Variants in TLN2 observed in about 807,000 individuals in gnomAD.
TLN2 encodes talin-2.
TLN2 carries 118 observed loss-of-function variants against 294.7 expected under a neutral mutation model. The observed-to-expected ratio is 0.40, with a 90% CI of 0.34 to 0.47. TLN2 has a LOEUF of 0.47. Ranked by LOEUF, TLN2 falls within the 20% of genes least tolerant of loss-of-function variation. The pLI is 0.84. For missense variants in TLN2, 3,083 were observed against 3,282.2 expected (o/e 0.94, Z 1.48); for synonymous variants, 1,431 against 1,304.5 (o/e 1.10, Z -2.09).
In TLN2 at chr15:62,675,612, C is replaced by T. The variant is rs111236119; in HGVS notation, c.957+291C>T. On this transcript the variant is annotated intron_variant, in intron 11 of 58. Transcript: ENST00000636159. ...AGTGAGTTCACTTTTACTTGTTATT[C>T]CTTCTCCTGACAATGTTTCATTTAT... 3.2e-3 allele frequency among the ~76,000 whole-genome samples: 485 copies of T among 152,300 alleles called. 5 individuals carry two copies. Among genetic ancestry groups the T allele is most frequent in the Non-Finnish European group, 4.6e-3 (310 of 68,038 alleles).
chr15:62,796,189 C>T lies in TLN2; in HGVS notation c.5946C>T (p.Ala1982=), dbSNP rs367596485. The T allele has an allele frequency of 3.8e-5, 61 of 1,614,114 alleles. No homozygotes were observed. Among genetic ancestry groups the T allele is most frequent in the South Asian group, 2.2e-4 (20 of 91,090 alleles). Residue 1982 remains alanine (A), a synonymous_variant, in exon 47 of 59, where the codon GCC becomes GCT. Transcript: ENST00000636159. ...GNKGTQACIT[A]ATAVSGIIAD... ...AAGGAACCCAGGCATGCATTACAGCCGCCACCGCTGTGTCTGGGATCATTG... is the reference window on the plus strand; with the variant it reads ...AAGGAACCCAGGCATGCATTACAGCTGCCACCGCTGTGTCTGGGATCATTG...
intron 22 of TLN2, 137 bp from the exon 23 acceptor site, chr15:62,716,194 C>T (rs570131366): frequency 1.5e-5 from 17 of 1,101,122 alleles, no homozygotes; most frequent in Admixed American, 4.0e-5. Flanking sequence ...GAAACATCTT[C>T]ATCATAAAGA....
At position 62,811,926 on chromosome 15, in the gene TLN2, T is replaced by A. The variant is rs369272546; in HGVS notation, c.6771+1894T>A. Reference sequence around the variant, plus strand: ...ACTCAGGAGGCTGAGGCAGGAGAATTGCTTGAACCCAGGAGGTGGAGGTTG... The same window carrying A: ...ACTCAGGAGGCTGAGGCAGGAGAATAGCTTGAACCCAGGAGGTGGAGGTTG... On this transcript the variant is annotated intron_variant, in intron 52 of 58. Transcript: ENST00000636159. 7.5e-4 allele frequency among the ~76,000 whole-genome samples: 114 copies of A among 151,976 alleles called. 1 individual carries two copies. The highest frequency in any genetic ancestry group is 2.7e-3 in the African/African-American group (112 of 41,416).
chr15:62,741,748 C>CGCGCGCGTGTGTGTGTGTGTGT lies in TLN2; in HGVS notation c.4025+980_4025+981insCGCGCGTGTGTGTGTGTGTGTG. ...TTAACTTGGTTTTTTAAAATTTGCG[C>CGCGCGCGTGTGTGTGTGTGTGT]GTGTGTGTGTGTGTGTGTGTCTTTA... is the stretch of plus-strand genomic sequence containing the variant. On this transcript the variant is annotated intron_variant, in intron 32 of 58. Coordinates refer to ENST00000636159, the MANE Select transcript of TLN2 (RefSeq NM_015059.3). 5.7e-3 allele frequency among the ~76,000 whole-genome samples: 750 copies of CGCGCGCGTGTGTGTGTGTGTGT among 131,130 alleles called. 4 individuals are homozygous for CGCGCGCGTGTGTGTGTGTGTGT. Among genetic ancestry groups the CGCGCGCGTGTGTGTGTGTGTGT allele is most frequent in the Middle Eastern group, 8.5e-3 (2 of 234 alleles). 86.0% of individuals were successfully genotyped at this position (131,130 alleles called of 152,430 possible). A position where few individuals can be genotyped will look rare whatever the true frequency, so the allele number is the denominator to read the frequency against.
At chr15:62,535,893 C>T (rs2041323098) in intron 1 of TLN2, among the ~76,000 whole-genome samples, 1 of 152,166 alleles carries the variant, frequency 6.6e-6, no homozygotes, top group Non-Finnish European at 1.5e-5. Context: ...TACAATAACT[C>T]TTATGTGTGT....
chr15:62,605,762 C>T (rs1001314566), intron 2 of TLN2, among the ~76,000 whole-genome samples: 2 of 152,182 alleles, frequency 1.3e-5, no homozygotes, highest in African/African-American at 2.4e-5. Context: ...ATCTAAGTCA[C>T]GTTGGACACC....
At chr15:62,718,571 A>C (rs113800328) in intron 24 of TLN2, among the ~76,000 whole-genome samples, 1 of 152,172 alleles carries the variant, frequency 6.6e-6, no homozygotes, top group African/African-American at 2.4e-5. Context: ...GGCCAGCCCT[A>C]CTGCTGTTGT....
chr15:62,744,646 A>T (rs367594619), intron 32 of TLN2, among the ~76,000 whole-genome samples: 23 of 152,026 alleles, frequency 1.5e-4, no homozygotes, highest in African/African-American at 4.3e-4. Flanking sequence ...TCCCGGGTTC[A>T]AGTGATTCTC....
intron 1 of TLN2, among the ~76,000 whole-genome samples, chr15:62,497,447 T>C (rs1165254692): frequency 2.0e-5 from 3 of 152,244 alleles, no homozygotes; most frequent in Non-Finnish European, 4.4e-5. Flanking sequence ...AGTGGTACTT[T>C]CCTCTGCTCC....
Position 62,761,699 on chromosome 15 carries a change from T to G in TLN2, c.4657T>G (p.Ser1553Ala), listed in dbSNP as rs1429039253. 1.2e-6 allele frequency: 2 copies of G among 1,614,102 alleles called. No individual in the cohort carries two copies. The highest frequency in any genetic ancestry group is 1.7e-6 in the Non-Finnish European group (2 of 1,180,040). ...KTIKALDGDF[S>A]EDNRNKCRIA... ...CCATCAGGCCCTGGATGGGGATTTC[T>G]CTGAAGACAACCGCAATAAGTGTCG... The change falls in exon 38 of 59, where the codon TCT (serine) becomes GCT (alanine). Residue 1553 changes from serine (S) to alanine (A), a missense_variant. By Grantham distance (99) the Ser-to-Ala change is moderately conservative. Transcript: ENST00000636159.
chr15:62,732,755 G>C (rs1156810588), intron 28 of TLN2, among the ~76,000 whole-genome samples: 1 of 152,186 alleles, frequency 6.6e-6, no homozygotes, highest in Non-Finnish European at 1.5e-5. Flanking sequence ...TTGGTGACTG[G>C]TTAGAAGTTG....
chr15:62,839,896 T>A (rs1264287003), intron 58 of TLN2, among the ~76,000 whole-genome samples: 1 of 152,200 alleles, frequency 6.6e-6, no homozygotes, highest in Non-Finnish European at 1.5e-5. Flanking sequence ...TAGTCAAGGC[T>A]CTGGAAAGCC....
At position 62,738,125 on chromosome 15, in the gene TLN2, C is replaced by T. The variant is rs887477489; in HGVS notation, c.3568-89C>T. 1.1e-5 allele frequency: 17 copies of T among 1,498,602 alleles called. No homozygotes were observed. In the Middle Eastern group the frequency reaches 5.3e-4, roughly 46 times the overall value. 92.8% of individuals were successfully genotyped at this position (1,498,602 alleles called of 1,614,324 possible). ...TGCTGGTGGGTCATTTCCGTATCTG[C>T]TTCAGCTCTGCATGTTTCACTGCCC... is the stretch of plus-strand genomic sequence containing the variant. On this transcript the variant is annotated intron_variant, in intron 29 of 58. Coordinates refer to ENST00000636159, the MANE Select transcript of TLN2 (RefSeq NM_015059.3).
intron 47 of TLN2, among the ~76,000 whole-genome samples, chr15:62,796,652 A>G (rs1215931166): frequency 6.6e-6 from 1 of 152,182 alleles, no homozygotes; most frequent in Non-Finnish European, 1.5e-5. Context: ...TGTTTTGGGA[A>G]GATAGGGGCT....
chr15:62,545,445 A>G (rs1348726375), intron 1 of TLN2, among the ~76,000 whole-genome samples: 1 of 152,026 alleles, frequency 6.6e-6, no homozygotes, highest in Non-Finnish European at 1.5e-5. Context: ...CAACATTTCC[A>G]GTGAGGCAGC....
At chr15:62,545,407 G>T (rs926021485) in intron 1 of TLN2, among the ~76,000 whole-genome samples, 2 of 152,074 alleles carry the variant, frequency 1.3e-5, no homozygotes, top group African/African-American at 4.8e-5. Flanking sequence ...GAAAAAGGAT[G>T]GAGGAAAAGG....
chr15:62,454,057 G>C (rs560311632), intron 1 of TLN2, among the ~76,000 whole-genome samples: 2 of 152,340 alleles, frequency 1.3e-5, no homozygotes, highest in South Asian at 2.1e-4. Flanking sequence ...CTGTGGCTCA[G>C]AGGAGACGGG....
At chr15:62,588,788 A>T (rs2045863888) in intron 1 of TLN2, among the ~76,000 whole-genome samples, 1 of 147,802 alleles carries the variant, frequency 6.8e-6, no homozygotes, top group African/African-American at 2.5e-5. Flanking sequence ...GCTAGTAACA[A>T]TTTTTTTAAT....
At chr15:62,720,458 A>G (rs2060065460) in intron 25 of TLN2, among the ~76,000 whole-genome samples, 1 of 152,202 alleles carries the variant, frequency 6.6e-6, no homozygotes, top group Non-Finnish European at 1.5e-5. Context: ...CTCGACTTGT[A>G]TCTCATAAGC....
Sources: gnomAD v4.1 joint callset for allele counts (sites outside exome capture counted in the v4.1 genomes callset) on GRCh38, gnomAD v4.1.1 for gene constraint, MANE v1.5 for transcripts, NCBI Gene and HGNC (gene_info 2026-07-23, HGNC 2026-07-21) for gene names.